ALG12: variants seen among roughly 807,000 people sequenced by gnomAD.
ALG12 encodes the protein ALG12 alpha-1,6-mannosyltransferase.
A neutral mutation model predicts 46.0 loss-of-function variants in ALG12; 36 were observed. The ratio of observed to expected loss-of-function variants is 0.78; its 90% CI spans 0.60 to 1.03. ALG12 has a LOEUF of 1.03. Ranked by LOEUF, ALG12 falls within the 50% of genes least tolerant of loss-of-function variation. The pLI, the probability that ALG12 is intolerant of heterozygous loss-of-function variation, is 0.00. For missense variants in ALG12, 599 were observed against 633.5 expected (o/e 0.95, Z 0.58); for synonymous variants, 326 against 291.6 (o/e 1.12, Z -1.20).
chr22:49,913,900 G>T, intron 1 of ALG12, 57 bp from the exon 2 acceptor site: 1 of 1,124,226 alleles, frequency 8.9e-7, no homozygotes. Flanking sequence ...GCTCACGTTT[G>T]GGAGATCCGG....
chr22:49,895,031 G>C, the ALG12 span, among the ~76,000 whole-genome samples: 3 of 152,200 alleles, frequency 2.0e-5, no homozygotes, highest in Non-Finnish European at 4.4e-5. Flanking sequence ...ATTGCCGCTG[G>C]GGGCAGACAG....
chr22:49,906,918 C>T lies in ALG12; in HGVS notation c.992+803G>A, dbSNP rs536472536. On this transcript the variant is annotated intron_variant, in intron 7 of 9. Coordinates refer to ENST00000330817, the MANE Select transcript of ALG12 (RefSeq NM_024105.4). The surrounding 1 kb of genome is among the most constrained non-coding windows in gnomAD (Gnocchi z 4.4). The stretch of plus-strand genomic sequence containing the variant: ...TCCTGGCTCCCTGAGGCTTGCAACA[C>T]TGAGTGGCAGCCGCGCTCAGACCAC... Among the ~76,000 whole-genome samples, 1 of 152,122 alleles carries T rather than the reference C, an allele frequency of 6.6e-6. No homozygotes were observed. Among genetic ancestry groups the T allele is most frequent in the Non-Finnish European group, 1.5e-5 (1 of 67,998 alleles).
intron 6 of ALG12, among the ~76,000 whole-genome samples, chr22:49,908,322 G>T (rs2060555305): frequency 7.7e-6 from 1 of 129,296 alleles, no homozygotes; most frequent in African/African-American, 2.5e-5. Flanking sequence ...GAGGTAAAGA[G>T]ATCGAGACCA....
intron 1 of ALG12, 47 bp downstream of exon 1, chr22:49,918,216 C>T (rs1475551637): frequency 6.6e-6 from 1 of 152,332 alleles, no homozygotes; most frequent in African/African-American, 2.4e-5. Flanking sequence ...TCCCTGGTCT[C>T]GCCGCGCGCC....
chr22:49,886,183 A>T, the ALG12 span: 1 of 717,766 alleles, frequency 1.4e-6, no homozygotes, highest in Non-Finnish European at 2.5e-6. This position sits in a 1 kb window ranked among gnomAD's most constrained non-coding sequence, Gnocchi z 7.7. Context: ...CGAGGCCATT[A>T]AGAGCCAGCG....
chr22:49,893,264 C>G, the ALG12 span, among the ~76,000 whole-genome samples: 1 of 152,182 alleles, frequency 6.6e-6, no homozygotes, highest in Non-Finnish European at 1.5e-5. Flanking sequence ...GAGATCACAG[C>G]TGAGGACTTT....
chr22:49,913,678 AG>A lies in ALG12; in HGVS notation c.87del (p.Tyr30ThrfsTer44). On this transcript the variant is annotated frameshift_variant, in exon 2 of 10. Transcript: ENST00000330817. LOFTEE classifies it high-confidence loss of function. ...TTGAAGCTCTCCTCCACTTTGGTGT[AG>A]GGACAGATGACCAGGTGGACAGTGG... Reference protein sequence around the residue: ...AVATVHLVICPYTKVEESFNL... With the variant: ...AVATVHLVICXYTKVEESFNL... The A allele has an allele frequency of 6.2e-7, 1 of 1,614,130 alleles. No individual in the cohort carries two copies. Among genetic ancestry groups the A allele is most frequent in the South Asian group, 1.1e-5 (1 of 91,086 alleles).
chr22:49,865,877 T>C, the ALG12 span, among the ~76,000 whole-genome samples: 9 of 151,310 alleles, frequency 5.9e-5, no homozygotes, highest in East Asian at 1.9e-4. Context: ...TTTTTTTTTT[T>C]CCCTTTAATT....
chr22:49,879,151 A>C, the ALG12 span, among the ~76,000 whole-genome samples: 15 of 148,530 alleles, frequency 1.0e-4, no homozygotes, highest in African/African-American at 3.7e-4. Context: ...CTCAAAAAAA[A>C]AACAAAAAAC....
At chr22:49,878,499 T>C in the ALG12 span, among the ~76,000 whole-genome samples, 1 of 152,148 alleles carries the variant, frequency 6.6e-6, no homozygotes, top group South Asian at 2.1e-4. Context: ...GGGCACTTCA[T>C]GGAGAAAGGA....
chr22:49,892,187 C>CAAAAA, the ALG12 span, among the ~76,000 whole-genome samples: 439 of 55,306 alleles, frequency 7.9e-3, 14 homozygotes, highest in East Asian at 0.033. Flanking sequence ...GACTCTGTCT[C>CAAAAA]AAAAAAAAAA....
chr22:49,895,316 T>C (rs1053492108), downstream of ALG12, among the ~76,000 whole-genome samples: 9 of 152,158 alleles, frequency 5.9e-5, no homozygotes, highest in Admixed American at 5.2e-4. Flanking sequence ...AGGGATTTTG[T>C]AATTTTGGTT....
chr22:49,863,460 C>G, the ALG12 span, among the ~76,000 whole-genome samples: 1 of 152,110 alleles, frequency 6.6e-6, no homozygotes, highest in Non-Finnish European at 1.5e-5. Flanking sequence ...AACCACGTCT[C>G]TACTAAAAAT....
chr22:49,861,839 G>T, the ALG12 span, among the ~76,000 whole-genome samples: 1 of 152,186 alleles, frequency 6.6e-6, no homozygotes, highest in Non-Finnish European at 1.5e-5. Context: ...TGACGTTGCC[G>T]TGTGTTGCAT....
In ALG12 at chr22:49,904,496, A is replaced by G; in HGVS notation, c.1003T>C (p.Tyr335His). Residue 335 changes from tyrosine to histidine, a missense_variant, in exon 8 of 10, where the codon TAT becomes CAT. Tyr to His is a moderately conservative substitution (Grantham distance 83). Coordinates refer to ENST00000330817, the MANE Select transcript of ALG12 (RefSeq NM_024105.4). ...GCTTTGTACAGCCAAGACTTTTTAT[A>G]GTTATTCAGCCTGAAAAAAGAATGG... ...ARGCSYLLNNYKKSWLYKAGS... is the reference protein window; with the variant it reads ...ARGCSYLLNNHKKSWLYKAGS... The G allele has an allele frequency of 6.2e-7, 1 of 1,614,198 alleles. No individual in the cohort carries two copies. Among genetic ancestry groups the G allele is most frequent in the Non-Finnish European group, 8.5e-7 (1 of 1,180,048 alleles).
chr22:49,876,608 T>C, the ALG12 span, among the ~76,000 whole-genome samples: 1 of 152,194 alleles, frequency 6.6e-6, no homozygotes, highest in Non-Finnish European at 1.5e-5. Context: ...ATTAACATGG[T>C]ATACCTTTTT....
intron 1 of ALG12, among the ~76,000 whole-genome samples, chr22:49,916,209 C>T (rs2060608384): frequency 6.6e-6 from 1 of 151,990 alleles, no homozygotes; most frequent in South Asian, 2.1e-4. Flanking sequence ...GCCGAGATCG[C>T]GCCACTGCAC....
rs563849678 is a variant in ALG12 at position 49,903,364 on chromosome 22, G to A, written c.*474C>T. ...TGGTGGCACCAGGGTGGGGGGGTGC[G>A]GCCGGGGCCACCATGGTCTCCCCTG... On this transcript the variant is annotated 3_prime_UTR_variant, in exon 10 of 10. Coordinates refer to ENST00000330817, the MANE Select transcript of ALG12 (RefSeq NM_024105.4). The A allele has an allele frequency of 5.9e-5, 27 of 457,502 alleles. No individual in the cohort carries two copies. Among genetic ancestry groups the A allele is most frequent in the Admixed American group, 4.7e-4 (20 of 42,478 alleles). 28.3% of individuals were successfully genotyped at this position (457,502 alleles called of 1,614,324 possible).
rs2060633690 is a variant in ALG12, at chr22:49,918,428, T to C, written c.-244A>G. Reference sequence around the variant, plus strand: ...ACGGCCGCAGAGACCCTCTGTGCCCTGAGTAAAGATGGCCGCCGCGGGCTG... The same window carrying C: ...ACGGCCGCAGAGACCCTCTGTGCCCCGAGTAAAGATGGCCGCCGCGGGCTG... On this transcript the variant is annotated 5_prime_UTR_variant, in exon 1 of 10. Transcript: ENST00000330817. 1 of 192,110 alleles carries C rather than the reference T, an allele frequency of 5.2e-6. No homozygotes were observed. The highest frequency in any genetic ancestry group is 1.1e-5 in the Non-Finnish European group (1 of 94,588). The allele number at this position is 192,110 out of a possible 1,614,324, so 11.9% of individuals were successfully genotyped here.
Sources: allele counts gnomAD v4.1 joint callset (sites outside exome capture counted in the v4.1 genomes callset), GRCh38; gene constraint gnomAD v4.1.1; non-coding constraint Gnocchi (gnomAD v3.1); transcripts MANE v1.5; gene names NCBI Gene and HGNC (gene_info 2026-07-23, HGNC 2026-07-21).